Variants in TAF3 observed in about 807,000 individuals in gnomAD.
TAF3 encodes the protein transcription initiation factor TFIID subunit 3.
In TAF3, 7 loss-of-function variants were observed where a neutral mutation model predicts 80.6. That is an observed-to-expected ratio of 0.09 (90% CI 0.05 to 0.16). The LOEUF is 0.16. TAF3 is among the 10% of genes least tolerant of loss of function. TAF3 has a pLI of 1.00. For synonymous variants in TAF3, 444 were observed against 446.1 expected (o/e 1.00, Z 0.06); for missense variants, 921 against 1,140.2 (o/e 0.81, Z 2.77).
At chr10:7,867,461 A>G (rs1485110647) in intron 2 of TAF3, among the ~76,000 whole-genome samples, 1 of 152,162 alleles carries the variant, frequency 6.6e-6, no homozygotes, top group Non-Finnish European at 1.5e-5. Flanking sequence ...GATTCATTTA[A>G]AAATTACACC....
At position 7,868,135 on chromosome 10, in the gene TAF3, C is replaced by T. The variant is rs575774175; in HGVS notation, c.409+43575C>T. ...GGGAGAAAATCCACATATAAGGGGG[C>T]ATGTGTAGTTCAAAGCCATGTTGTT... On this transcript the variant is annotated intron_variant, in intron 2 of 6. Transcript: ENST00000344293. Among the ~76,000 whole-genome samples the T allele has an allele frequency of 9.5e-4, 144 of 151,976 alleles. 1 individual carries two copies. The highest frequency in any genetic ancestry group is 3.5e-4 in the Non-Finnish European group (24 of 67,982).
At position 7,977,235 on chromosome 10, in the gene TAF3, C is replaced by T. The variant is rs1169625182; in HGVS notation, c.2233-6C>T. On this transcript the variant is annotated splice_polypyrimidine_tract_variant and splice_region_variant and intron_variant, in intron 3 of 6. Transcript: ENST00000344293. ...ATATTGAACTTTAATGTGCTAACTT[C>T]CACAGATAAAAGTGGAACCAGTCGC... 2.5e-6 allele frequency: 4 copies of T among 1,613,950 alleles called. No homozygotes were observed. The highest frequency in any genetic ancestry group is 3.4e-6 in the Non-Finnish European group (4 of 1,179,972).
chr10:7,952,466 C>T (rs1287698638), intron 2 of TAF3, among the ~76,000 whole-genome samples: 2 of 152,164 alleles, frequency 1.3e-5, no homozygotes, highest in African/African-American at 4.8e-5. Flanking sequence ...CAGCAGCCAG[C>T]CCTTTCAGAC....
intron 2 of TAF3, among the ~76,000 whole-genome samples, chr10:7,895,950 G>A (rs1290715051): frequency 6.6e-6 from 1 of 152,116 alleles, no homozygotes; most frequent in Non-Finnish European, 1.5e-5. Context: ...GACCATGCGG[G>A]GGTGGAAATT....
chr10:7,829,893 A>G (rs1347336750), intron 2 of TAF3, among the ~76,000 whole-genome samples: 1 of 152,202 alleles, frequency 6.6e-6, no homozygotes, highest in East Asian at 1.9e-4. Flanking sequence ...CTCTTTCCCC[A>G]CTAAGATTTC....
chr10:7,875,266 T>C (rs985968970), intron 2 of TAF3, among the ~76,000 whole-genome samples: 1 of 152,198 alleles, frequency 6.6e-6, no homozygotes, highest in Admixed American at 6.5e-5. Context: ...AATATAAGCA[T>C]GTGACATCCT....
At chr10:7,894,715 CA>C (rs1837490047) in intron 2 of TAF3, among the ~76,000 whole-genome samples, 1 of 152,068 alleles carries the variant, frequency 6.6e-6, no homozygotes, top group African/African-American at 2.4e-5. Flanking sequence ...AAATATTTAA[CA>C]GAACTAATGG....
chr10:7,983,567 A>AAAC (rs963692855), intron 4 of TAF3, among the ~76,000 whole-genome samples: 10 of 152,216 alleles, frequency 6.6e-5, no homozygotes, highest in African/African-American at 2.4e-4. Context: ...TTTGATTTAA[A>AAAC]AACAACAACA....
At chr10:7,904,536 A>T (rs1837589470) in intron 2 of TAF3, among the ~76,000 whole-genome samples, 1 of 152,216 alleles carries the variant, frequency 6.6e-6, no homozygotes, top group South Asian at 2.1e-4. Flanking sequence ...ATGACTGAGA[A>T]ATAATAAATG....
chr10:7,974,167 C>CACACAT (rs1831648526), intron 3 of TAF3, among the ~76,000 whole-genome samples: 1 of 142,330 alleles, frequency 7.0e-6, no homozygotes, highest in Middle Eastern at 3.4e-3. Context: ...CACACACACA[C>CACACAT]ACACAAACAC....
chr10:7,859,315 T>A (rs954048303), intron 2 of TAF3, among the ~76,000 whole-genome samples: 14 of 133,532 alleles, frequency 1.0e-4, no homozygotes, highest in African/African-American at 1.9e-4. Context: ...AATAAATAAA[T>A]AAAAGAGAAG....
At chr10:7,916,773 TAACTC>T (rs1837715261) in intron 2 of TAF3, among the ~76,000 whole-genome samples, 1 of 152,206 alleles carries the variant, frequency 6.6e-6, no homozygotes, top group African/African-American at 2.4e-5. Context: ...CTTGTTGCCT[TAACTC>T]AACCCAGGAG....
intron 4 of TAF3, among the ~76,000 whole-genome samples, chr10:8,005,013 T>C (rs774006876): frequency 5.3e-5 from 8 of 152,240 alleles, no homozygotes; most frequent in African/African-American, 1.2e-4. Context: ...TTCCAATCTG[T>C]TGTTAAATCC....
chr10:7,843,096 C>T (rs1030616349), intron 2 of TAF3, among the ~76,000 whole-genome samples: 7 of 152,222 alleles, frequency 4.6e-5, no homozygotes, highest in African/African-American at 4.8e-5. Context: ...CATGGAACTG[C>T]GCAGAAGCTG....
intron 4 of TAF3, among the ~76,000 whole-genome samples, chr10:7,995,427 T>G (rs1831878588): frequency 6.6e-6 from 1 of 152,224 alleles, no homozygotes; most frequent in African/African-American, 2.4e-5. Flanking sequence ...TACTCCTTAT[T>G]CTATAGGTTG....
chr10:7,996,448 A>T (rs1831888371), intron 4 of TAF3, among the ~76,000 whole-genome samples: 1 of 152,168 alleles, frequency 6.6e-6, no homozygotes, highest in South Asian at 2.1e-4. Flanking sequence ...TCCGTGAGGG[A>T]ACTGTGCCAG....
chr10:7,966,647 A>G (rs745512027), intron 3 of TAF3, among the ~76,000 whole-genome samples: 1 of 152,184 alleles, frequency 6.6e-6, no homozygotes, highest in Non-Finnish European at 1.5e-5. Context: ...TCTAAAAGTT[A>G]TCTTCTTTGA....
At position 7,861,122 on chromosome 10, in the gene TAF3, C is replaced by T. The variant is rs150497972; in HGVS notation, c.409+36562C>T. On this transcript the variant is annotated intron_variant, in intron 2 of 6. Coordinates refer to ENST00000344293, the MANE Select transcript of TAF3 (RefSeq NM_031923.4). ...GACTACAGGCACCTGCCACTATGCCCGGCTAATTTTTTTTTGTATGTTTAG... is the reference window on the plus strand; with the variant it reads ...GACTACAGGCACCTGCCACTATGCCTGGCTAATTTTTTTTTGTATGTTTAG... Among the ~76,000 whole-genome samples the T allele has an allele frequency of 3.5e-3, 531 of 152,192 alleles. 4 individuals carry two copies. Among genetic ancestry groups the T allele is most frequent in the African/African-American group, 0.012 (496 of 41,544 alleles).
chr10:7,964,802 G>A lies in TAF3; in HGVS notation c.1292G>A (p.Cys431Tyr), dbSNP rs745907554. 11 of 1,614,058 alleles carry A rather than the reference G, an allele frequency of 6.8e-6. No homozygotes were observed. Among genetic ancestry groups the A allele is most frequent in the South Asian group, 2.2e-5 (2 of 91,082 alleles). The change falls in exon 3 of 7, where the codon TGT becomes TAT. Residue 431 changes from cysteine (C) to tyrosine (Y), a missense_variant. Around this residue, in one of 6 missense-constraint regions of TAF3, gnomAD observed 743 missense variants for 821.0 expected, o/e 0.90. Transcript: ENST00000344293. The surrounding 1 kb of genome is among the most constrained non-coding windows in gnomAD (Gnocchi z 4.1). ...CCTAAGAGAATTTCAGGCCCGGAGT[G>A]TACTACTCCCAAAGCTTCCACTTCC... ...TSPKRISGPECTTPKASTSAN... is the reference protein window; with the variant it reads ...TSPKRISGPEYTTPKASTSAN...
Sources: gnomAD v4.1 joint callset for allele counts (sites outside exome capture counted in the v4.1 genomes callset) on GRCh38, gnomAD v4.1.1 for gene constraint, gnomAD v4.1.1 regional missense constraint, Gnocchi (gnomAD v3.1) non-coding constraint, MANE v1.5 for transcripts, NCBI Gene and HGNC (gene_info 2026-07-23, HGNC 2026-07-21) for gene names.